Variants in IQANK1 observed in about 807,000 individuals in gnomAD.
The protein encoded by IQANK1 is IQ motif and ankyrin repeat containing 1.
A neutral mutation model predicts 22.6 loss-of-function variants in IQANK1; 30 were observed. The observed-to-expected ratio is 1.33, with a 90% CI of 0.99 to 1.80. The LOEUF is 1.80. Ranked by LOEUF, IQANK1 falls within the 40% of genes most tolerant of loss-of-function variation. The pLI is 0.00. For missense variants in IQANK1, 275 were observed against 235.2 expected (o/e 1.17, Z -1.11); for synonymous variants, 122 against 99.6 (o/e 1.23, Z -1.34).
At chr8:143,768,306 C>CACTT (rs1819514673) in intron 3 of IQANK1, among the ~76,000 whole-genome samples, 1 of 152,078 alleles carries the variant, frequency 6.6e-6, no homozygotes, top group African/African-American at 2.4e-5. Context: ...TGCCCTCGAT[C>CACTT]ACTTAGTAGG....
chr8:143,746,377 TCTCA>T (rs1819033625), intron 3 of IQANK1: 1 of 152,256 alleles, frequency 6.6e-6, no homozygotes. Flanking sequence ...TTTTGGTTTC[TCTCA>T]CTCTCTTCTT....
At chr8:143,788,787 C>T (rs781807222) in intron 7 of IQANK1, 128 bp from the exon 8 acceptor site, 5 of 397,474 alleles carry the variant, frequency 1.3e-5, no homozygotes, top group Non-Finnish European at 2.2e-5. Context: ...CACGCACCAG[C>T]TGTGAGCACT....
At chr8:143,762,940 CTTTTT>C (rs200578256) in intron 3 of IQANK1, among the ~76,000 whole-genome samples, 1 of 151,270 alleles carries the variant, frequency 6.6e-6, no homozygotes, top group African/African-American at 2.4e-5. Flanking sequence ...TCCCTCTTTT[CTTTTT>C]TTTTCTTTTC....
At position 143,735,112 on chromosome 8, in the gene IQANK1, C is replaced by T. The variant is rs1284045899; in HGVS notation, c.-4-738C>T. Among the ~76,000 whole-genome samples the T allele has an allele frequency of 6.6e-6, 1 of 152,354 alleles. No individual in the cohort carries two copies. Among genetic ancestry groups the T allele is most frequent in the East Asian group, 1.9e-4 (1 of 5,188 alleles). ...AGGGTCAGTCCCAGTTTCATTTGTT[C>T]TTTCCCCAAACACTCAGTGCCACCC... is the stretch of plus-strand genomic sequence containing the variant. On this transcript the variant is annotated intron_variant, in intron 1 of 13. Coordinates refer to ENST00000527139, the MANE Select transcript of IQANK1 (RefSeq NM_001381874.1). The surrounding 1 kb of genome is among the most constrained non-coding windows in gnomAD (Gnocchi z 5.2).
chr8:143,754,751 G>C (rs1392196688), intron 3 of IQANK1, among the ~76,000 whole-genome samples: 1 of 152,010 alleles, frequency 6.6e-6, no homozygotes, highest in Non-Finnish European at 1.5e-5. Context: ...TCAGCCTCCT[G>C]AGCAGCTGGG....
At chr8:143,740,053 C>G (rs1271289732) in intron 3 of IQANK1, 105 bp downstream of exon 3, 10 of 574,848 alleles carry the variant, frequency 1.7e-5, no homozygotes, top group Non-Finnish European at 9.3e-6. Flanking sequence ...GCTTGCGTGT[C>G]ATGTACACAT....
At chr8:143,788,829 C>T (rs1392485566) in intron 7 of IQANK1, 86 bp from the exon 8 acceptor site, 5 of 398,350 alleles carry the variant, frequency 1.3e-5, no homozygotes, top group African/African-American at 2.1e-5. Flanking sequence ...CACCCTTTCT[C>T]CCAGATGGGA....
chr8:143,789,134 G>T (rs562404755), intron 8 of IQANK1, 55 bp from the exon 9 acceptor site: 3 of 401,642 alleles, frequency 7.5e-6, no homozygotes, highest in African/African-American at 2.1e-5. Flanking sequence ...CGGGCAGGGG[G>T]TGCTGGTGGG....
chr8:143,784,351 T>G lies in IQANK1; in HGVS notation c.790-4564T>G, dbSNP rs993480166. On this transcript the variant is annotated intron_variant, in intron 7 of 13. Transcript: ENST00000527139. ...AGCACCTCCCCCTGCTCTCTCTTCC[T>G]CCTTCTCTAGCCATGTAAAATGTGC... is the stretch of plus-strand genomic sequence containing the variant. Among the ~76,000 whole-genome samples, 3 of 152,292 alleles carry G rather than the reference T, an allele frequency of 2.0e-5. No homozygotes were observed. In the South Asian group the frequency reaches 6.2e-4, roughly 32 times the overall value.
rs1164713893 is a variant in IQANK1, at chr8:143,789,983, C to T, written c.1208C>T (p.Ala403Val). 11 of 1,231,906 alleles carry T rather than the reference C, an allele frequency of 8.9e-6. No homozygotes were observed. The highest frequency in any genetic ancestry group is 3.1e-4 in the Middle Eastern group (1 of 3,230). 76.3% of individuals were successfully genotyped at this position (1,231,906 alleles called of 1,614,324 possible). The change falls in exon 12 of 14, where the codon GCG (alanine) becomes GTG (valine). Residue 403 changes from alanine to valine, a missense_variant. Coordinates refer to ENST00000527139, the MANE Select transcript of IQANK1 (RefSeq NM_001381874.1). ...GCTACCCCGACAGGGGAGGAAGAGG[C>T]GCCTGGGCTGAAGTGCCAGGTCACC... ...REQTQEGEEE[A>V]PGLKCQVTEL...
rs1819999238 is a variant in IQANK1 at position 143,790,117 on chromosome 8, G to A, written c.1290-20G>A. ...ATTTGGGGTTTGGACAGACAGCAGT[G>A]ACCTGATGGGTGTCCCCAGGTGGCC... On this transcript the variant is annotated intron_variant, in intron 12 of 13. Transcript: ENST00000527139. 1 of 1,231,974 alleles carries A rather than the reference G, an allele frequency of 8.1e-7. No homozygotes were observed. Among genetic ancestry groups the A allele is most frequent in the South Asian group, 4.1e-5 (1 of 24,312 alleles). 76.3% of individuals were successfully genotyped at this position (1,231,974 alleles called of 1,614,324 possible). A position where few individuals can be genotyped will look rare whatever the true frequency, so the allele number is the denominator to read the frequency against.
At chr8:143,745,474 G>A (rs1273083313) in intron 3 of IQANK1, 1 of 152,288 alleles carries the variant, frequency 6.6e-6, no homozygotes, top group African/African-American at 2.4e-5. Context: ...CCAGGCTGGA[G>A]TGCAGTGGAG....
chr8:143,787,591 ACATT>A (rs1819916057), intron 7 of IQANK1, among the ~76,000 whole-genome samples: 1 of 152,114 alleles, frequency 6.6e-6, no homozygotes, highest in African/African-American at 2.4e-5. Context: ...AGTTCTGCCC[ACATT>A]CAGTCTCCCT....
chr8:143,789,663 G>T, intron 10 of IQANK1, 98 bp from the exon 11 acceptor site: 1 of 1,211,178 alleles, frequency 8.3e-7, no homozygotes. Flanking sequence ...GCCGACAGTG[G>T]CCTGCTTGGG....
At chr8:143,770,866 C>T (rs782449182) in intron 3 of IQANK1, among the ~76,000 whole-genome samples, 14 of 152,238 alleles carry the variant, frequency 9.2e-5, no homozygotes, top group African/African-American at 3.4e-4. Context: ...CTGAGTGGTG[C>T]CCGGACTTCC....
intron 3 of IQANK1, among the ~76,000 whole-genome samples, chr8:143,740,204 T>A (rs1410672171): frequency 5.3e-5 from 8 of 151,920 alleles, no homozygotes; most frequent in South Asian, 4.1e-4. Flanking sequence ...GCCGCCCGGG[T>A]GCGTGGCCTC....
intron 3 of IQANK1, chr8:143,742,393 C>G: frequency 2.2e-6 from 1 of 456,028 alleles, no homozygotes; most frequent in South Asian, 1.5e-5. Flanking sequence ...GTGTGGGAGC[C>G]TTTCCCAGCC....
intron 7 of IQANK1, among the ~76,000 whole-genome samples, chr8:143,780,290 A>G (rs908636589): frequency 1.3e-5 from 2 of 152,190 alleles, no homozygotes; most frequent in Admixed American, 1.3e-4. Flanking sequence ...AGACTTTATT[A>G]TATACAAAGA....
chr8:143,762,867 C>T (rs1054924882), intron 3 of IQANK1, among the ~76,000 whole-genome samples: 1 of 152,126 alleles, frequency 6.6e-6, no homozygotes, highest in Non-Finnish European at 1.5e-5. Context: ...AATTAGTCTA[C>T]GCAATCCCCT....
Sources: gnomAD v4.1 joint callset for allele counts (sites outside exome capture counted in the v4.1 genomes callset) on GRCh38, gnomAD v4.1.1 for gene constraint, Gnocchi (gnomAD v3.1) non-coding constraint, MANE v1.5 for transcripts, NCBI Gene and HGNC (gene_info 2026-07-23, HGNC 2026-07-21) for gene names.